The following LRMDA variants were observed in gnomAD, a reference collection of about 807,000 sequenced individuals.
LRMDA encodes the protein leucine-rich melanocyte differentiation-associated protein.
LRMDA carries 18 observed loss-of-function variants against 29.8 expected under a neutral mutation model. The observed-to-expected ratio is 0.60, with a 90% CI of 0.42 to 0.90. LRMDA has a LOEUF of 0.90. LRMDA is among the 40% of genes least tolerant of loss of function. LRMDA has a pLI of 0.00. For missense variants in LRMDA, 273 were observed against 273.9 expected (o/e 1.00, Z 0.02); for synonymous variants, 125 against 109.4 (o/e 1.14, Z -0.89).
chr10:75,765,096 C>CT (rs1281491329), intron 2 of LRMDA, among the ~76,000 whole-genome samples: 3 of 152,252 alleles, frequency 2.0e-5, no homozygotes, highest in Non-Finnish European at 1.5e-5. Flanking sequence ...TAGATGCTGA[C>CT]TTGGTGAATA....
intron 1 of LRMDA, 75 bp downstream of exon 1, chr10:75,431,829 C>T: frequency 8.0e-7 from 1 of 1,255,752 alleles, no homozygotes. Context: ...CAGAGGCTCC[C>T]CAGGGCCTAG....
At chr10:76,391,469 G>A (rs1386922033) in intron 6 of LRMDA, among the ~76,000 whole-genome samples, 4 of 152,178 alleles carry the variant, frequency 2.6e-5, no homozygotes, top group Non-Finnish European at 4.4e-5. Flanking sequence ...AATCCTGATA[G>A]CATTTTCTCC....
intron 2 of LRMDA, among the ~76,000 whole-genome samples, chr10:75,508,388 T>C (rs568025905): frequency 2.0e-5 from 3 of 152,330 alleles, no homozygotes; most frequent in African/African-American, 7.2e-5. Flanking sequence ...AGGTCTGAGT[T>C]GACTCTCAGC....
At chr10:75,921,297 C>T (rs1003325435) in intron 2 of LRMDA, among the ~76,000 whole-genome samples, 2 of 152,054 alleles carry the variant, frequency 1.3e-5, no homozygotes, top group African/African-American at 2.4e-5. Flanking sequence ...TGGTACTTAC[C>T]CTCACAGGAC....
At chr10:76,121,191 G>A (rs1371333373) in intron 5 of LRMDA, among the ~76,000 whole-genome samples, 1 of 151,974 alleles carries the variant, frequency 6.6e-6, no homozygotes, top group Non-Finnish European at 1.5e-5. Flanking sequence ...GAGGAGCTAT[G>A]GAGGAGAAGG....
chr10:75,571,130 A>G (rs1840432302), intron 2 of LRMDA, among the ~76,000 whole-genome samples: 1 of 149,920 alleles, frequency 6.7e-6, no homozygotes, highest in Admixed American at 6.8e-5. Flanking sequence ...CAGATCTGCC[A>G]TCTTCAAGGA....
intron 2 of LRMDA, among the ~76,000 whole-genome samples, chr10:76,010,841 G>A (rs991109273): frequency 8.5e-5 from 13 of 152,228 alleles, no homozygotes; most frequent in Admixed American, 2.0e-4. Context: ...CCTGTCTCAG[G>A]CCCTCTGCAG....
chr10:75,970,897 G>A (rs1846955993), intron 2 of LRMDA, among the ~76,000 whole-genome samples: 1 of 152,116 alleles, frequency 6.6e-6, no homozygotes, highest in Non-Finnish European at 1.5e-5. Context: ...TAAAAATCTT[G>A]AAAATACTTT....
At chr10:76,119,565 G>A (rs576716623) in intron 5 of LRMDA, among the ~76,000 whole-genome samples, 1 of 152,132 alleles carries the variant, frequency 6.6e-6, no homozygotes, top group Admixed American at 6.5e-5. Context: ...TGTCAAATGG[G>A]CATGCTAATC....
chr10:76,107,307 G>T (rs1849503035), intron 5 of LRMDA, among the ~76,000 whole-genome samples: 3 of 152,186 alleles, frequency 2.0e-5, no homozygotes, highest in Non-Finnish European at 4.4e-5. Context: ...TCTGGGGTAG[G>T]GCCTGAGAAT....
intron 2 of LRMDA, among the ~76,000 whole-genome samples, chr10:75,925,602 G>C (rs1267323625): frequency 6.6e-6 from 1 of 152,006 alleles, no homozygotes; most frequent in Non-Finnish European, 1.5e-5. Flanking sequence ...TGTGGAGGAA[G>C]AAGGTGATGG....
At chr10:76,277,981 TGTTA>T (rs368610725) in intron 5 of LRMDA, among the ~76,000 whole-genome samples, 361 of 152,284 alleles carry the variant, frequency 2.4e-3, no homozygotes, top group African/African-American at 8.3e-3. Context: ...TGTACCCAGT[TGTTA>T]GTTTTCTGTG....
intron 5 of LRMDA, among the ~76,000 whole-genome samples, chr10:76,152,001 A>C (rs970253086): frequency 6.6e-6 from 1 of 152,218 alleles, no homozygotes; most frequent in Admixed American, 6.5e-5. Flanking sequence ...ACATAATAAA[A>C]TTTCTTAGAA....
chr10:76,062,656 CTGTGTGTGTGTG>C (rs376071517), intron 5 of LRMDA, among the ~76,000 whole-genome samples: 8 of 139,210 alleles, frequency 5.7e-5, no homozygotes, highest in African/African-American at 1.1e-4. Flanking sequence ...CTTTATCTCT[CTGTGTGTGTGTG>C]TGTGTGTGTG....
chr10:76,128,029 A>G (rs544396874), intron 5 of LRMDA, among the ~76,000 whole-genome samples: 1 of 152,352 alleles, frequency 6.6e-6, no homozygotes, highest in Admixed American at 6.5e-5. Context: ...GCTTCTGCTC[A>G]CTAATACTTG....
At position 76,428,987 on chromosome 10, in the gene LRMDA, C is replaced by T. The variant is rs962731811; in HGVS notation, c.601+104502C>T. Among the ~76,000 whole-genome samples, 4 of 151,208 alleles carry T rather than the reference C, an allele frequency of 2.6e-5. No homozygotes were observed. The East Asian group carries it at 7.8e-4, about 29-fold the overall frequency. On this transcript the variant is annotated intron_variant, in intron 6 of 6. Transcript: ENST00000611255. ...TCAGTTGCTGAGAAGTGGACTGAAA[C>T]CTTGCTGTTAGATGAGGAAATAACC...
intron 2 of LRMDA, chr10:75,450,900 AG>A (rs1465616959): frequency 6.6e-6 from 1 of 152,264 alleles, no homozygotes; most frequent in African/African-American, 2.4e-5. Flanking sequence ...GTTAATGCAG[AG>A]CAAATAGAAT....
intron 2 of LRMDA, among the ~76,000 whole-genome samples, chr10:75,593,907 G>A (rs1031718441): frequency 2.0e-5 from 3 of 152,188 alleles, no homozygotes; most frequent in African/African-American, 4.8e-5. Flanking sequence ...GACTTTTCCC[G>A]TAAAAGGAGC....
At chr10:75,768,208 C>A (rs907982371) in intron 2 of LRMDA, among the ~76,000 whole-genome samples, 1 of 152,196 alleles carries the variant, frequency 6.6e-6, no homozygotes, top group Non-Finnish European at 1.5e-5. Context: ...GGCATCGTGG[C>A]ACTCCCAGAA....
Sources: gnomAD v4.1 joint callset for allele counts (sites outside exome capture counted in the v4.1 genomes callset) on GRCh38, gnomAD v4.1.1 for gene constraint, MANE v1.5 for transcripts, NCBI Gene and HGNC (gene_info 2026-07-23, HGNC 2026-07-21) for gene names.